GRID2: variants seen among roughly 807,000 people sequenced by gnomAD.
The protein encoded by GRID2 is glutamate ionotropic receptor delta type subunit 2.
A neutral mutation model predicts 114.8 loss-of-function variants in GRID2; 33 were observed. The ratio of observed to expected loss-of-function variants is 0.29; its 90% CI spans 0.22 to 0.38. The LOEUF is 0.38. GRID2 is among the 10% of genes least tolerant of loss of function. The pLI is 1.00. For missense variants in GRID2, 1,184 were observed against 1,257.7 expected, an observed-to-expected ratio of 0.94 and a Z score of 0.89; for synonymous variants, 505 against 449.9, an observed-to-expected ratio of 1.12 and a Z score of -1.55.
intron 2 of GRID2, among the ~76,000 whole-genome samples, chr4:92,876,384 C>T (rs755063897): frequency 2.1e-4 from 32 of 151,780 alleles, no homozygotes; most frequent in Non-Finnish European, 3.8e-4. Context: ...CTGCAAGCTC[C>T]GCCCCAGCCT....
intron 14 of GRID2, among the ~76,000 whole-genome samples, chr4:93,657,486 T>C (rs1003033599): frequency 2.6e-5 from 4 of 152,206 alleles, no homozygotes; most frequent in African/African-American, 9.6e-5. Context: ...ACTATTCGAT[T>C]TGATGGGACA....
chr4:92,477,039 ATGTGTGTGTG>A (rs70940894), intron 1 of GRID2, among the ~76,000 whole-genome samples: 7,252 of 119,328 alleles, frequency 0.061, 275 homozygotes, highest in African/African-American at 0.12. Context: ...ATTTAACTTC[ATGTGTGTGTG>A]TGTGTGTGTG....
At chr4:93,139,709 A>G (rs1193956201) in intron 4 of GRID2, among the ~76,000 whole-genome samples, 1 of 150,960 alleles carries the variant, frequency 6.6e-6, no homozygotes, top group African/African-American at 2.4e-5. Context: ...CTTTTATTTC[A>G]CTGAGGCCCT....
intron 2 of GRID2, among the ~76,000 whole-genome samples, chr4:92,840,817 C>G (rs747924020): frequency 3.3e-5 from 5 of 152,130 alleles, no homozygotes; most frequent in Admixed American, 6.6e-5. Flanking sequence ...TTGAAGCTCT[C>G]TTGCTTCAAC....
At chr4:93,453,035 C>T (rs1473590002) in intron 10 of GRID2, among the ~76,000 whole-genome samples, 1 of 129,640 alleles carries the variant, frequency 7.7e-6, no homozygotes, top group Non-Finnish European at 1.6e-5. Context: ...GCTATCCCTC[C>T]CCCTCCCCCC....
At chr4:93,541,911 A>G (rs183636952) in intron 13 of GRID2, among the ~76,000 whole-genome samples, 1 of 152,336 alleles carries the variant, frequency 6.6e-6, no homozygotes, top group East Asian at 1.9e-4. Context: ...TGTATGGACA[A>G]TAAGTTATGG....
chr4:92,901,037 G>C (rs2149480340), intron 2 of GRID2, among the ~76,000 whole-genome samples: 1 of 151,992 alleles, frequency 6.6e-6, no homozygotes, highest in Admixed American at 6.6e-5. Context: ...TGCTGCAAAC[G>C]TGAATGCAGG....
intron 2 of GRID2, among the ~76,000 whole-genome samples, chr4:92,642,841 A>C (rs2149254897): frequency 6.6e-6 from 1 of 151,708 alleles, no homozygotes; most frequent in South Asian, 2.1e-4. Flanking sequence ...TGTATATGGT[A>C]AAATTTAAGG....
chr4:93,402,011 T>A (rs1579962690), intron 9 of GRID2, among the ~76,000 whole-genome samples: 1 of 152,120 alleles, frequency 6.6e-6, no homozygotes, highest in East Asian at 1.9e-4. Context: ...GTATTTAGGT[T>A]AGATTTAGTT....
intron 14 of GRID2, among the ~76,000 whole-genome samples, chr4:93,737,431 T>A (rs985724547): frequency 6.6e-6 from 1 of 152,008 alleles, no homozygotes; most frequent in Non-Finnish European, 1.5e-5. Context: ...ACATTTTAAA[T>A]GTTTGGGTTT....
intron 1 of GRID2, among the ~76,000 whole-genome samples, chr4:92,530,387 T>G (rs1406294978): frequency 1.3e-5 from 2 of 151,786 alleles, no homozygotes; most frequent in South Asian, 2.1e-4. Context: ...TACGAACTAT[T>G]CTTCTATTAA....
At chr4:92,691,724 C>G (rs1254946127) in intron 2 of GRID2, among the ~76,000 whole-genome samples, 1 of 152,190 alleles carries the variant, frequency 6.6e-6, no homozygotes, top group African/African-American at 2.4e-5. Flanking sequence ...CGGCAGTCAT[C>G]CTGGGAAACT....
intron 4 of GRID2, among the ~76,000 whole-genome samples, chr4:93,195,051 G>T (rs1197703337): frequency 6.6e-6 from 1 of 152,138 alleles, no homozygotes; most frequent in Non-Finnish European, 1.5e-5. Flanking sequence ...AATTTCTCAA[G>T]AATTTTGTTC....
At chr4:93,371,811 G>A (rs1194552590) in intron 8 of GRID2, among the ~76,000 whole-genome samples, 1 of 128,782 alleles carries the variant, frequency 7.8e-6, no homozygotes, top group African/African-American at 3.1e-5. Flanking sequence ...GCAGTGGCAT[G>A]ATCTTGGCTC....
chr4:92,709,693 A>G (rs2149308342), intron 2 of GRID2, among the ~76,000 whole-genome samples: 1 of 151,284 alleles, frequency 6.6e-6, no homozygotes, highest in East Asian at 1.9e-4. Context: ...TGGAAATTGT[A>G]TTAAGTCTTT....
At chr4:92,969,822 A>G (rs1753383032) in intron 2 of GRID2, among the ~76,000 whole-genome samples, 2 of 151,910 alleles carry the variant, frequency 1.3e-5, no homozygotes, top group Admixed American at 6.6e-5. Context: ...TGAAAGAAAT[A>G]TGGAGCGCCT....
chr4:92,361,495 CA>C (rs2110201782), intron 1 of GRID2, among the ~76,000 whole-genome samples: 1 of 152,076 alleles, frequency 6.6e-6, no homozygotes, highest in South Asian at 2.1e-4. Flanking sequence ...ATGATTTTCA[CA>C]ACCTTGTATT....
intron 12 of GRID2, among the ~76,000 whole-genome samples, chr4:93,500,109 CTAAGTT>C (rs1727950585): frequency 6.6e-6 from 1 of 151,976 alleles, no homozygotes; most frequent in Non-Finnish European, 1.5e-5. Flanking sequence ...CCAGGTATTT[CTAAGTT>C]ATGTGGTATG....
intron 13 of GRID2, among the ~76,000 whole-genome samples, chr4:93,596,890 G>T (rs1372094867): frequency 2.0e-5 from 3 of 152,164 alleles, no homozygotes; most frequent in African/African-American, 4.8e-5. Flanking sequence ...TTTATGGCTG[G>T]TGTATTTAAT....
Sources: gnomAD v4.1 joint callset for allele counts (sites outside exome capture counted in the v4.1 genomes callset) on GRCh38, gnomAD v4.1.1 for gene constraint, MANE v1.5 for transcripts, NCBI Gene and HGNC (gene_info 2026-07-23, HGNC 2026-07-21) for gene names.